Variants in ST7L observed in about 807,000 individuals in gnomAD.
ST7L encodes the protein suppressor of tumorigenicity 7 protein-like.
In ST7L, 57 loss-of-function variants were observed where a neutral mutation model predicts 72.5. The observed-to-expected ratio is 0.79, with a 90% CI of 0.64 to 0.98. ST7L has a LOEUF of 0.98. ST7L is among the 50% of genes least tolerant of loss of function. The pLI, the probability that ST7L is intolerant of heterozygous loss-of-function variation, is 0.00. For missense variants in ST7L, 576 were observed against 672.2 expected (o/e 0.86, Z 1.58); for synonymous variants, 221 against 240.9 (o/e 0.92, Z 0.77).
At chr1:112,614,259 T>C (rs1295192963) in intron 2 of ST7L, among the ~76,000 whole-genome samples, 1 of 144,568 alleles carries the variant, frequency 6.9e-6, no homozygotes, top group African/African-American at 2.6e-5. Context: ...ACAAAAACCA[T>C]ATTAAATAGA....
At chr1:112,535,565 A>G (rs1655063125) in intron 14 of ST7L, among the ~76,000 whole-genome samples, 1 of 151,642 alleles carries the variant, frequency 6.6e-6, no homozygotes, top group African/African-American at 2.4e-5. Context: ...CCCCATCTCT[A>G]TAACAAATTT....
At chr1:112,584,171 A>G in intron 6 of ST7L, 45 bp from the exon 7 acceptor site, 1 of 1,585,770 alleles carries the variant, frequency 6.3e-7, no homozygotes, top group Non-Finnish European at 8.6e-7. Flanking sequence ...ATGGTAAAGC[A>G]AGTGTTTTCT....
intron 14 of ST7L, chr1:112,528,924 AAAG>A (rs1172418250): frequency 6.6e-6 from 1 of 152,214 alleles, no homozygotes; most frequent in South Asian, 2.1e-4. Flanking sequence ...AGTAGCAGCC[AAAG>A]AAGGAGACAA....
intron 4 of ST7L, among the ~76,000 whole-genome samples, chr1:112,599,519 A>C (rs775004621): frequency 1.2e-4 from 18 of 152,340 alleles, no homozygotes; most frequent in Middle Eastern, 6.8e-3. Context: ...ATCTTTGCTC[A>C]TAAGTTTCAA....
chr1:112,526,431 A>T (rs1282113208), intron 14 of ST7L: 1 of 210,808 alleles, frequency 4.7e-6, no homozygotes, highest in Admixed American at 5.2e-5. Flanking sequence ...ACAGAAAATT[A>T]TTAAGGCTTT....
At chr1:112,556,043 T>C (rs1214809102) in intron 11 of ST7L, 25 bp from the exon 12 acceptor site, 1 of 1,447,896 alleles carries the variant, frequency 6.9e-7, no homozygotes, top group Non-Finnish European at 9.2e-7. Context: ...CACAGACACA[T>C]ATACACACAA....
At chr1:112,530,978 T>C (rs940873214) in intron 14 of ST7L, among the ~76,000 whole-genome samples, 2 of 152,238 alleles carry the variant, frequency 1.3e-5, no homozygotes, top group Non-Finnish European at 2.9e-5. Flanking sequence ...GTTTTTTGAT[T>C]AACATGATGT....
intron 5 of ST7L, among the ~76,000 whole-genome samples, chr1:112,597,328 C>A (rs1003550661): frequency 1.3e-5 from 2 of 152,146 alleles, no homozygotes; most frequent in Non-Finnish European, 2.9e-5. Context: ...TGATAAAGAT[C>A]CCAGACCAGG....
chr1:112,557,181 A>G (rs1659342534), intron 11 of ST7L, among the ~76,000 whole-genome samples: 1 of 152,052 alleles, frequency 6.6e-6, no homozygotes, highest in Non-Finnish European at 1.5e-5. Context: ...AACTATTGCC[A>G]AAGTCAATTT....
In ST7L at chr1:112,558,320, A is replaced by G. The variant is rs371384265; in HGVS notation, c.1246-2302T>C. Among the ~76,000 whole-genome samples the G allele has an allele frequency of 1.1e-4, 16 of 152,358 alleles. No individual in the cohort carries two copies. In the South Asian group the frequency reaches 2.9e-3, roughly 28 times the overall value. ...ACAAACTAACGGGACAACAGAAATT[A>G]AAGAGCTGAATTTGTGAAACACTTT... On this transcript the variant is annotated intron_variant, in intron 11 of 14. Transcript: ENST00000358039.
intron 1 of ST7L, 40 bp from the exon 2 acceptor site, chr1:112,616,935 A>G: frequency 7.1e-7 from 1 of 1,410,120 alleles, no homozygotes; most frequent in Non-Finnish European, 9.9e-7. Context: ...AAAAATGCAA[A>G]TTTAAAGTAC....
downstream of ST7L, among the ~76,000 whole-genome samples, chr1:112,519,091 A>G (rs1289188080): frequency 2.0e-5 from 3 of 152,188 alleles, no homozygotes; most frequent in Admixed American, 2.0e-4. Context: ...AAGAGGACTT[A>G]AGACCCAGCC....
intron 12 of ST7L, among the ~76,000 whole-genome samples, chr1:112,553,329 C>T (rs1454684522): frequency 6.6e-6 from 1 of 152,120 alleles, no homozygotes; most frequent in Non-Finnish European, 1.5e-5. Flanking sequence ...ATCCTCCTGC[C>T]TCAGCCTCCC....
intron 13 of ST7L, among the ~76,000 whole-genome samples, chr1:112,544,156 G>A (rs1656681972): frequency 6.6e-6 from 1 of 152,104 alleles, no homozygotes; most frequent in Non-Finnish European, 1.5e-5. Context: ...ACTTCATTAG[G>A]CCAGGAAGTT....
chr1:112,594,498 T>C, intron 5 of ST7L, among the ~76,000 whole-genome samples: 1 of 152,184 alleles, frequency 6.6e-6, no homozygotes, highest in East Asian at 1.9e-4. Flanking sequence ...CCTCCCTACT[T>C]ACTATCAAAG....
chr1:112,573,966 G>A (rs1387771435), intron 11 of ST7L, among the ~76,000 whole-genome samples: 1 of 139,716 alleles, frequency 7.2e-6, no homozygotes, highest in Non-Finnish European at 1.5e-5. Flanking sequence ...CCAAGCTGGA[G>A]TGCAGTGGTG....
chr1:112,591,416 G>A, intron 6 of ST7L, 109 bp downstream of exon 6: 1 of 851,360 alleles, frequency 1.2e-6, no homozygotes, highest in Non-Finnish European at 1.8e-6. Flanking sequence ...ATGCAAAAAG[G>A]AAATGACTAA....
chr1:112,604,570 C>T (rs1341981908), intron 3 of ST7L, among the ~76,000 whole-genome samples: 1 of 151,730 alleles, frequency 6.6e-6, no homozygotes, highest in Non-Finnish European at 1.5e-5. Context: ...TGAAAAAAAT[C>T]AAAAGGAAGG....
At chr1:112,545,801 CA>C (rs1214524818) in intron 13 of ST7L, among the ~76,000 whole-genome samples, 1 of 152,182 alleles carries the variant, frequency 6.6e-6, no homozygotes, top group Non-Finnish European at 1.5e-5. Flanking sequence ...ACCCTCAGTT[CA>C]ATTCTCACTG....
Sources: gnomAD v4.1 joint callset for allele counts (sites outside exome capture counted in the v4.1 genomes callset) on GRCh38, gnomAD v4.1.1 for gene constraint, MANE v1.5 for transcripts, NCBI Gene and HGNC (gene_info 2026-07-23, HGNC 2026-07-21) for gene names.